Variants in LHPP observed in about 807,000 individuals in gnomAD.
LHPP encodes the protein phospholysine phosphohistidine inorganic pyrophosphate phosphatase, also known as hLHPP.
LHPP carries 24 observed loss-of-function variants against 30.3 expected under a neutral mutation model. That is an observed-to-expected ratio of 0.79 (90% CI 0.57 to 1.11). The LOEUF is 1.11. Among genes scored for constraint, LHPP ranks in the 50% most tolerant of loss-of-function variants. LHPP has a pLI of 0.00. For synonymous variants in LHPP, 150 were observed against 157.1 expected (o/e 0.95, Z 0.34); for missense variants, 356 against 367.2 (o/e 0.97, Z 0.25).
At position 124,592,633 on chromosome 10, in the gene LHPP, T is replaced by C. The variant is rs114319075; in HGVS notation, c.717-20631T>C. 0.013 allele frequency among the ~76,000 whole-genome samples: 1,978 copies of C among 152,150 alleles called. 38 individuals carry two copies. Among genetic ancestry groups the C allele is most frequent in the African/African-American group, 0.046 (1,910 of 41,508 alleles). On this transcript the variant is annotated intron_variant, in intron 6 of 6. Coordinates refer to ENST00000368842, the MANE Select transcript of LHPP (RefSeq NM_022126.4). This position sits in a 1 kb window ranked among gnomAD's most constrained non-coding sequence, Gnocchi z 6.2. ...ATGCCCATGGCTGGTGCCCAGGAGG[T>C]GGGAGCTGTGGAGCTGCCTCCAGGC... is the stretch of plus-strand genomic sequence containing the variant.
intron 3 of LHPP, among the ~76,000 whole-genome samples, chr10:124,489,301 T>A (rs1284331152): frequency 6.6e-6 from 1 of 152,228 alleles, no homozygotes; most frequent in Non-Finnish European, 1.5e-5. Flanking sequence ...GCGAATAGAC[T>A]ATTATGGATG....
At chr10:124,487,250 G>T (rs1030598567) in intron 2 of LHPP, among the ~76,000 whole-genome samples, 2 of 152,120 alleles carry the variant, frequency 1.3e-5, no homozygotes, top group Non-Finnish European at 2.9e-5. Context: ...GGGTCATAGG[G>T]TACATGTATG....
At chr10:124,482,219 G>A (rs1049649329) in intron 1 of LHPP, among the ~76,000 whole-genome samples, 1 of 152,196 alleles carries the variant, frequency 6.6e-6, no homozygotes, top group Non-Finnish European at 1.5e-5. Flanking sequence ...GGCCACATCT[G>A]TAAACAGAAC....
intron 6 of LHPP, among the ~76,000 whole-genome samples, chr10:124,551,890 C>T (rs936824339): frequency 6.6e-5 from 10 of 152,138 alleles, no homozygotes; most frequent in African/African-American, 2.2e-4. Flanking sequence ...CGCAGGCCCC[C>T]GGGTGGCAGC....
rs1301452806 is a variant in LHPP at position 124,496,761 on chromosome 10, A to C, written c.468-200A>C. On this transcript the variant is annotated intron_variant, in intron 3 of 6. Coordinates refer to ENST00000368842, the MANE Select transcript of LHPP (RefSeq NM_022126.4). The surrounding 1 kb of genome is among the most constrained non-coding windows in gnomAD (Gnocchi z 4.3). ...AGCTGCTGGCTGCTGCGCTCGCCCC[A>C]CTGGGTGTGGCGGCCTGCCGCCCGG... Among the ~76,000 whole-genome samples the C allele has an allele frequency of 6.6e-6, 1 of 152,158 alleles. No individual in the cohort carries two copies. The highest frequency in any genetic ancestry group is 1.5e-5 in the Non-Finnish European group (1 of 68,016).
rs1010470254 is a variant in LHPP at position 124,510,390 on chromosome 10, C to G, written c.625-6790C>G. Among the ~76,000 whole-genome samples, 7 of 152,240 alleles carry G rather than the reference C, an allele frequency of 4.6e-5. No individual in the cohort carries two copies. The highest frequency in any genetic ancestry group is 1.7e-4 in the African/African-American group (7 of 41,456). On this transcript the variant is annotated intron_variant, in intron 5 of 6. Transcript: ENST00000368842. This position sits in a 1 kb window ranked among gnomAD's most constrained non-coding sequence, Gnocchi z 4.0. Reference sequence around the variant, plus strand: ...CATCACTGCTCCAGGCAGCTGTGCACCCAGCCGGCCCTGGCGTCCCGGCCC... The same window carrying G: ...CATCACTGCTCCAGGCAGCTGTGCAGCCAGCCGGCCCTGGCGTCCCGGCCC...
intron 6 of LHPP, among the ~76,000 whole-genome samples, chr10:124,597,693 G>T (rs1053745841): frequency 6.6e-6 from 1 of 152,118 alleles, no homozygotes; most frequent in African/African-American, 2.4e-5. Flanking sequence ...AGGTGGGGTG[G>T]CACTTCTGGG....
chr10:124,524,218 C>T (rs746343257), intron 6 of LHPP, among the ~76,000 whole-genome samples: 3 of 152,082 alleles, frequency 2.0e-5, no homozygotes, highest in Non-Finnish European at 2.9e-5. Flanking sequence ...CCACATTCCA[C>T]CCAGCCCCAG....
At chr10:124,564,013 C>G (rs899064780) in intron 6 of LHPP, among the ~76,000 whole-genome samples, 1 of 152,010 alleles carries the variant, frequency 6.6e-6, no homozygotes, top group African/African-American at 2.4e-5. Flanking sequence ...GTGGTATGAT[C>G]GTGGCTCACT....
intron 4 of LHPP, among the ~76,000 whole-genome samples, chr10:124,497,408 A>G (rs1034982672): frequency 1.3e-5 from 2 of 151,932 alleles, no homozygotes; most frequent in South Asian, 2.1e-4. Flanking sequence ...CACCGCTCTC[A>G]TTCCTGACCC....
chr10:124,526,801 T>C (rs955768093), intron 6 of LHPP, among the ~76,000 whole-genome samples: 2 of 152,094 alleles, frequency 1.3e-5, no homozygotes, highest in Non-Finnish European at 2.9e-5. Flanking sequence ...GCCTTTGTGG[T>C]TAAAGTCCGC....
chr10:124,493,773 C>A (rs568862789), intron 3 of LHPP: 3 of 152,128 alleles, frequency 2.0e-5, no homozygotes, highest in Non-Finnish European at 4.4e-5. Context: ...GTGGGGCTGC[C>A]GTTGGCTGGG....
rs114058302 is a variant in LHPP at position 124,564,785 on chromosome 10, G to A, written c.716+47514G>A. Among the ~76,000 whole-genome samples, 736 of 152,274 alleles carry A rather than the reference G, an allele frequency of 4.8e-3. 8 individuals carry two copies. Among genetic ancestry groups the A allele is most frequent in the African/African-American group, 0.016 (679 of 41,538 alleles). ...TTTTCCTCCTATCTCTAAGTCCAAT[G>A]TGTGGCATGGTTATATTACATTTTT... On this transcript the variant is annotated intron_variant, in intron 6 of 6. Transcript: ENST00000368842.
intron 1 of LHPP, among the ~76,000 whole-genome samples, chr10:124,466,207 C>A (rs77108728): frequency 4.0e-3 from 613 of 152,290 alleles, no homozygotes; most frequent in Non-Finnish European, 6.4e-3. Flanking sequence ...GGAATGAGTA[C>A]CTTGTCTATA....
Position 124,608,455 on chromosome 10 carries a change from C to T in LHPP, c.717-4809C>T, listed in dbSNP as rs528289958. ...CCTGTCCTTGCCACGAATATTGGCT[C>T]CTGCCCTCCTCATGGGAGCCCATGG... is the stretch of plus-strand genomic sequence containing the variant. On this transcript the variant is annotated intron_variant, in intron 6 of 6. Coordinates refer to ENST00000368842, the MANE Select transcript of LHPP (RefSeq NM_022126.4). Among the ~76,000 whole-genome samples, 12 of 152,394 alleles carry T rather than the reference C, an allele frequency of 7.9e-5. No homozygotes were observed. The South Asian group carries it at 2.5e-3, about 32-fold the overall frequency.
At chr10:124,524,135 AC>A (rs1422656527) in intron 6 of LHPP, among the ~76,000 whole-genome samples, 1 of 152,162 alleles carries the variant, frequency 6.6e-6, no homozygotes, top group African/African-American at 2.4e-5. Context: ...TGCAGTCGTC[AC>A]CACAATTTTA....
At chr10:124,583,500 G>A in intron 6 of LHPP, among the ~76,000 whole-genome samples, 1 of 152,092 alleles carries the variant, frequency 6.6e-6, no homozygotes, top group Non-Finnish European at 1.5e-5. Flanking sequence ...CCTGAGCCTG[G>A]GTAATTTATA....
intron 2 of LHPP, among the ~76,000 whole-genome samples, chr10:124,486,094 G>A (rs935997799): frequency 6.6e-6 from 1 of 152,066 alleles, no homozygotes; most frequent in African/African-American, 2.4e-5. Flanking sequence ...ATTTGTTTAC[G>A]GTTTTTCCTG....
chr10:124,582,771 G>A (rs544730278), intron 6 of LHPP, among the ~76,000 whole-genome samples: 10 of 152,134 alleles, frequency 6.6e-5, no homozygotes, highest in East Asian at 3.9e-4. Context: ...TTAGGAGGCC[G>A]AGGCAGGTGG....
Sources: allele counts gnomAD v4.1 joint callset (sites outside exome capture counted in the v4.1 genomes callset), GRCh38; gene constraint gnomAD v4.1.1; non-coding constraint Gnocchi (gnomAD v3.1); transcripts MANE v1.5; gene names NCBI Gene and HGNC (gene_info 2026-07-23, HGNC 2026-07-21).